The following TEK variants were observed in gnomAD, a reference collection of about 807,000 sequenced individuals.
The protein encoded by TEK is angiopoietin-1 receptor.
TEK carries 43 observed loss-of-function variants against 131.8 expected under a neutral mutation model. The observed-to-expected ratio is 0.33, with a 90% confidence interval of 0.26 to 0.42. TEK has a LOEUF of 0.42. TEK is among the 10% of genes least tolerant of loss of function. The pLI is 1.00. For missense variants in TEK, 1,162 were observed against 1,384.4 expected (o/e 0.84, Z 2.55); for synonymous variants, 580 against 491.6 (o/e 1.18, Z -2.38).
chr9:27,133,669 C>T (rs185294696), intron 1 of TEK, among the ~76,000 whole-genome samples: 75 of 152,184 alleles, frequency 4.9e-4, no homozygotes, highest in African/African-American at 1.1e-3. Flanking sequence ...TTATGGAGCT[C>T]GAGGGGTTCC....
intron 1 of TEK, among the ~76,000 whole-genome samples, chr9:27,128,869 G>C (rs548389826): frequency 2.6e-5 from 4 of 152,304 alleles, no homozygotes; most frequent in African/African-American, 9.6e-5. Flanking sequence ...AGCTTGAGGA[G>C]ATTTTGGGCT....
chr9:27,165,949 G>A (rs1008463958), intron 2 of TEK, among the ~76,000 whole-genome samples: 4 of 152,274 alleles, frequency 2.6e-5, no homozygotes, highest in Admixed American at 2.0e-4. Flanking sequence ...TTCTGAGCAT[G>A]GTTCGGAGGC....
At chr9:27,138,399 G>A (rs1259495416) in intron 1 of TEK, among the ~76,000 whole-genome samples, 2 of 152,156 alleles carry the variant, frequency 1.3e-5, no homozygotes, top group Non-Finnish European at 2.9e-5. Context: ...ACAGAGTGCT[G>A]ATTGGTCCAT....
chr9:27,145,015 A>G (rs565400065), intron 1 of TEK, among the ~76,000 whole-genome samples: 1 of 152,304 alleles, frequency 6.6e-6, no homozygotes, highest in Admixed American at 6.5e-5. Flanking sequence ...GATGAAGAAA[A>G]TGTAAGTGGG....
At chr9:27,148,762 G>A (rs898299340) in intron 1 of TEK, among the ~76,000 whole-genome samples, 7 of 152,170 alleles carry the variant, frequency 4.6e-5, no homozygotes, top group Non-Finnish European at 8.8e-5. Flanking sequence ...TTCCTTCTCT[G>A]TGAATTGCTA....
At chr9:27,212,144 G>C (rs1825658136) in intron 16 of TEK, among the ~76,000 whole-genome samples, 1 of 152,162 alleles carries the variant, frequency 6.6e-6, no homozygotes, top group South Asian at 2.1e-4. Flanking sequence ...AACCTCTGGT[G>C]GCCAGAGACC....
At position 27,157,931 on chromosome 9, in the gene TEK, C is replaced by G. The variant is rs767375814; in HGVS notation, c.153C>G (p.Pro51=). The G allele has an allele frequency of 1.4e-5, 22 of 1,613,966 alleles. No individual in the cohort carries two copies. In the South Asian group the frequency reaches 2.3e-4, roughly 17 times the overall value. ...CCTGCATTGCCTCTGGGTGGCGCCC[C>G]CATGAGCCCATCACCATAGGAAGGG... ...SLTCIASGWR[P]HEPITIGRDF... The change falls in exon 2 of 23, where the codon CCC becomes CCG. Residue 51 remains proline, a synonymous_variant. Coordinates refer to ENST00000380036, the MANE Select transcript of TEK (RefSeq NM_000459.5).
At position 27,190,702 on chromosome 9, in the gene TEK, A is replaced by T; in HGVS notation, c.1489+12A>T. ...GCAACATATTCAAGGTAAGCTTTGG[A>T]CAGGATAGATGCCAGCTGGGGATGT... On this transcript the variant is annotated intron_variant, in intron 10 of 22. Transcript: ENST00000380036. 1 of 1,613,850 alleles carries T rather than the reference A, an allele frequency of 6.2e-7. No individual in the cohort carries two copies. Among genetic ancestry groups the T allele is most frequent in the South Asian group, 1.1e-5 (1 of 91,080 alleles).
intron 20 of TEK, 35 bp from the exon 21 acceptor site, chr9:27,220,014 A>C: frequency 2.5e-6 from 4 of 1,603,478 alleles, no homozygotes; most frequent in Admixed American, 1.7e-5. Context: ...TTTTCATGCC[A>C]GAGAGGACTT....
chr9:27,172,466 T>C, intron 4 of TEK, 150 bp from the exon 5 acceptor site: 4 of 1,086,810 alleles, frequency 3.7e-6, no homozygotes, highest in Non-Finnish European at 4.1e-6. Flanking sequence ...CTGTCTCCCA[T>C]ATTAGATGAT....
At chr9:27,223,259 C>G (rs139126287) in intron 21 of TEK, among the ~76,000 whole-genome samples, 1 of 151,948 alleles carries the variant, frequency 6.6e-6, no homozygotes, top group Non-Finnish European at 1.5e-5. Flanking sequence ...TTGAATTCAG[C>G]TCTGGACCAA....
intron 1 of TEK, among the ~76,000 whole-genome samples, chr9:27,114,769 A>G (rs1051692246): frequency 2.0e-5 from 3 of 152,218 alleles, no homozygotes; most frequent in African/African-American, 7.2e-5. Flanking sequence ...TGTGAAACAT[A>G]AAAGATATAC....
chr9:27,200,178 T>A (rs1825167710), intron 12 of TEK, among the ~76,000 whole-genome samples: 1 of 152,212 alleles, frequency 6.6e-6, no homozygotes, highest in African/African-American at 2.4e-5. Context: ...TTTGCATCTA[T>A]TTCTGGATGT....
At chr9:27,175,487 C>T (rs28880660) in intron 6 of TEK, among the ~76,000 whole-genome samples, 67,463 of 151,170 alleles carry the variant, frequency 0.45, 15,157 homozygotes, top group Admixed American at 0.58. Context: ...ATTTATAATC[C>T]TTTGGGTATA....
At chr9:27,221,313 C>T (rs960541286) in intron 21 of TEK, among the ~76,000 whole-genome samples, 17 of 152,204 alleles carry the variant, frequency 1.1e-4, no homozygotes, top group African/African-American at 3.9e-4. Context: ...TGGGACAAAG[C>T]ACCTAGTGGT....
At chr9:27,226,693 T>C (rs1261828543) in intron 21 of TEK, among the ~76,000 whole-genome samples, 2 of 152,092 alleles carry the variant, frequency 1.3e-5, no homozygotes, top group African/African-American at 2.4e-5. Context: ...CTGCATGTTC[T>C]CCACATGTAT....
intron 1 of TEK, among the ~76,000 whole-genome samples, chr9:27,146,591 G>A (rs1335916790): frequency 6.6e-6 from 1 of 151,910 alleles, no homozygotes; most frequent in Non-Finnish European, 1.5e-5. Context: ...AGTAGCAATA[G>A]GTTTTTTCTT....
At chr9:27,162,592 A>G (rs1823585123) in intron 2 of TEK, among the ~76,000 whole-genome samples, 1 of 152,214 alleles carries the variant, frequency 6.6e-6, no homozygotes. Flanking sequence ...CCCAAACATA[A>G]TTTACGAAGT....
At chr9:27,142,957 A>G (rs1399331672) in intron 1 of TEK, among the ~76,000 whole-genome samples, 4 of 152,244 alleles carry the variant, frequency 2.6e-5, no homozygotes, top group Admixed American at 1.3e-4. Flanking sequence ...TTTTGTAACT[A>G]TTCGTGTGTC....
Sources: gnomAD v4.1 joint callset for allele counts (sites outside exome capture counted in the v4.1 genomes callset) on GRCh38, gnomAD v4.1.1 for gene constraint, MANE v1.5 for transcripts, NCBI Gene and HGNC (gene_info 2026-07-23, HGNC 2026-07-21) for gene names.